The following PROB1 variants were observed in gnomAD, a reference collection of about 807,000 sequenced individuals.
PROB1 encodes the protein proline rich basic protein 1.
For synonymous variants in PROB1, 660 were observed against 699.3 expected (o/e 0.94, Z 0.89); for missense variants, 1,453 against 1,485.7 (o/e 0.98, Z 0.36).
In PROB1 at chr5:139,395,057, C is replaced by A. The variant is rs769683121; in HGVS notation, c.25G>T (p.Ala9Ser). The A allele has an allele frequency of 1.4e-6, 2 of 1,418,278 alleles. No homozygotes were observed. Among genetic ancestry groups the A allele is most frequent in the South Asian group, 1.5e-5 (1 of 65,484 alleles). 87.9% of individuals were successfully genotyped at this position (1,418,278 alleles called of 1,614,324 possible). ...AGCTGCCTCGGGATCCCAGGCAGGG[C>A]TGGCGGGGCGAGCGCGGTCAGCATG... The part of the protein sequence containing the change: MLTALAPP[A>S]LPGIPRQLPT... The change falls in exon 1 of 1, where the codon GCC becomes TCC. Residue 9 changes from alanine to serine, a missense_variant. Coordinates refer to ENST00000434752, the MANE Select transcript of PROB1 (RefSeq NM_001161546.2).
chr5:139,394,105 T>C lies in PROB1; in HGVS notation c.977A>G (p.Asp326Gly), dbSNP rs927249819. 15 of 1,548,192 alleles carry C rather than the reference T, an allele frequency of 9.7e-6. No homozygotes were observed. The highest frequency in any genetic ancestry group is 9.6e-6 in the Non-Finnish European group (11 of 1,145,672). The stretch of plus-strand genomic sequence containing the variant: ...CGGCTCCGTCCCGGGCGCAGGCTTG[T>C]CGCGCCGAATCGCGCGCTCGCGGAG... ...PSLRERAIRR[D>G]KPAPGTEPLG... Residue 326 changes from aspartate (D) to glycine (G), a missense_variant, in exon 1 of 1, where the codon GAC becomes GGC. Asp to Gly is a moderately conservative substitution (Grantham distance 94). Coordinates refer to ENST00000434752, the MANE Select transcript of PROB1 (RefSeq NM_001161546.2).
In PROB1 at chr5:139,393,002, G is replaced by A. The variant is rs770044205; in HGVS notation, c.2080C>T (p.Pro694Ser). 284 of 1,518,890 alleles carry A rather than the reference G, an allele frequency of 1.9e-4. No individual in the cohort carries two copies. Among genetic ancestry groups the A allele is most frequent in the Non-Finnish European group, 2.3e-4 (265 of 1,131,656 alleles). The allele number at this position is 1,518,890 out of a possible 1,614,324, so 94.1% of individuals were successfully genotyped here. A position where few individuals can be genotyped will look rare whatever the true frequency, so the allele number is the denominator to read the frequency against. ...IKDFLPVVPHPYEPPEPSFDT... is the reference protein window; with the variant it reads ...IKDFLPVVPHSYEPPEPSFDT... The stretch of plus-strand genomic sequence containing the variant: ...AAGGACGGTTCAGGAGGCTCGTAGG[G>A]GTGCGGCACCACCGGTAGAAAATCC... Residue 694 changes from proline to serine, a missense_variant, in exon 1 of 1, where the codon CCC becomes TCC. Transcript: ENST00000434752.
Position 139,393,768 on chromosome 5 carries a change from T to G in PROB1, c.1314A>C (p.Glu438Asp), listed in dbSNP as rs980529255. ...TTTCCTCGACGGCAGGATTTTGATT[T>G]TCCCACTCGGAGGAGGCTTCAGGGA... is the stretch of plus-strand genomic sequence containing the variant. ...PLFPEASSEW[E>D]NQNPAVEETV... The change falls in exon 1 of 1, where the codon GAA (glutamate) becomes GAC (aspartate). Residue 438 changes from glutamate to aspartate, a missense_variant. Physicochemically the swap from Glu to Asp is conservative, Grantham distance 45 (BLOSUM62 2). Coordinates refer to ENST00000434752, the MANE Select transcript of PROB1 (RefSeq NM_001161546.2). 8 of 1,551,402 alleles carry G rather than the reference T, an allele frequency of 5.2e-6. No homozygotes were observed. Among genetic ancestry groups the G allele is most frequent in the Non-Finnish European group, 7.0e-6 (8 of 1,146,980 alleles).
Position 139,394,872 on chromosome 5 carries a change from G to A in PROB1, c.210C>T (p.Arg70=), listed in dbSNP as rs1281179376. 1 of 1,521,034 alleles carries A rather than the reference G, an allele frequency of 6.6e-7. No homozygotes were observed. 94.2% of individuals were successfully genotyped at this position (1,521,034 alleles called of 1,614,324 possible). A position where few individuals can be genotyped will look rare whatever the true frequency, so the allele number is the denominator to read the frequency against. Residue 70 remains arginine (R), a synonymous_variant, in exon 1 of 1, where the codon CGC becomes CGT. Transcript: ENST00000434752. ...GGCTATTCTGGGCGCTGACGGACAG[G>A]CGAGGCTGCGCGCCCGCCCCCCGCC... is the stretch of plus-strand genomic sequence containing the variant. ...APGRGAGAQP[R]LSVSAQNSRQ... is the part of the protein sequence containing the mutation.
In PROB1 at chr5:139,393,747, C is replaced by A. The variant is rs1214708667; in HGVS notation, c.1335G>T (p.Glu445Asp). The A allele has an allele frequency of 2.6e-6, 4 of 1,551,286 alleles. No individual in the cohort carries two copies. The highest frequency in any genetic ancestry group is 1.2e-5 in the South Asian group (1 of 84,066). ...AAGGGCTTCTCCTGCTGACAGTTTC[C>A]TCGACGGCAGGATTTTGATTTTCCC... ...SEWENQNPAV[E>D]ETVSRRSPSP... Residue 445 changes from glutamate to aspartate, a missense_variant, in exon 1 of 1, where the codon GAG becomes GAT. Transcript: ENST00000434752.
At position 139,394,372 on chromosome 5, in the gene PROB1, A is replaced by C. The variant is rs866999509; in HGVS notation, c.710T>G (p.Leu237Arg). 6 of 1,412,730 alleles carry C rather than the reference A, an allele frequency of 4.2e-6. No individual in the cohort carries two copies. The Middle Eastern group carries it at 1.3e-3, about 295-fold the overall frequency. 87.5% of individuals were successfully genotyped at this position (1,412,730 alleles called of 1,614,324 possible). The change falls in exon 1 of 1, where the codon CTG (leucine) becomes CGG (arginine). Residue 237 changes from leucine (L) to arginine (R), a missense_variant. By Grantham distance (102) the Leu-to-Arg change is moderately radical (BLOSUM62 -2). Coordinates refer to ENST00000434752, the MANE Select transcript of PROB1 (RefSeq NM_001161546.2). ...CTGCAGGGGGCCCAGCGACTCGTCC[A>C]GGGAACCGGTGCGCAGGAGCAGCCG... ...RPRLLLRTGS[L>R]DESLGPLQAA...
rs1758609550 is a variant in PROB1 at position 139,392,221 on chromosome 5, G to A, written c.2861C>T (p.Pro954Leu). 4 of 1,442,028 alleles carry A rather than the reference G, an allele frequency of 2.8e-6. No individual in the cohort carries two copies. The highest frequency in any genetic ancestry group is 3.7e-6 in the Non-Finnish European group (4 of 1,091,362). 89.3% of individuals were successfully genotyped at this position (1,442,028 alleles called of 1,614,324 possible). ...GCCGAGGGCCTGCGGGCCCGGGGAC[G>A]GTGGCAGAGAGAGGCTGGGTATAGG... is the stretch of plus-strand genomic sequence containing the variant. ...YGPIPSLSLPPSPGPQALGSP... is the reference protein window; with the variant it reads ...YGPIPSLSLPLSPGPQALGSP... Residue 954 changes from proline (P) to leucine (L), a missense_variant, in exon 1 of 1, where the codon CCG becomes CTG. Physicochemically the swap from Pro to Leu is moderately conservative, Grantham distance 98 (BLOSUM62 -3). Transcript: ENST00000434752. This position sits in a 1 kb window ranked among gnomAD's most constrained non-coding sequence, Gnocchi z 5.8.
chr5:139,394,901 G>T lies in PROB1; in HGVS notation c.181C>A (p.Pro61Thr). ...KGPANWPWVA[P>T]GRGAGAQPRL... ...GGCTGCGCGCCCGCCCCCCGCCCAG[G>T]AGCCACCCAGGGCCAATTCGCTGGG... Residue 61 changes from proline (P) to threonine (T), a missense_variant, in exon 1 of 1, where the codon CCT becomes ACT. Pro to Thr is a conservative substitution (Grantham distance 38, BLOSUM62 -1). Transcript: ENST00000434752. 2 of 1,511,700 alleles carry T rather than the reference G, an allele frequency of 1.3e-6. No individual in the cohort carries two copies. The highest frequency in any genetic ancestry group is 2.5e-5 in the South Asian group (2 of 80,162). The allele number at this position is 1,511,700 out of a possible 1,614,324, so 93.6% of individuals were successfully genotyped here. A position where few individuals can be genotyped will look rare whatever the true frequency, so the allele number is the denominator to read the frequency against.
chr5:139,394,037 T>A lies in PROB1; in HGVS notation c.1045A>T (p.Lys349Ter). The change falls in exon 1 of 1, where the codon AAG becomes TAG. Residue 349 changes from lysine to a stop codon, truncating the protein, a stop_gained. Transcript: ENST00000434752. LOFTEE classifies it low-confidence loss of function (END_TRUNC). Reference protein sequence around the residue: ...SSSIFLQSEEKIQEARKTRFP... With the variant: ...SSSIFLQSEE ...CGAGTCTTCCGCGCCTCCTGGATCTTCTCCTCTGACTGAAGGAAGATGCTG... is the reference window on the plus strand; with the variant it reads ...CGAGTCTTCCGCGCCTCCTGGATCTACTCCTCTGACTGAAGGAAGATGCTG... 6.4e-7 allele frequency: 1 copy of A among 1,550,780 alleles called. No homozygotes were observed. The highest frequency in any genetic ancestry group is 8.7e-7 in the Non-Finnish European group (1 of 1,146,990).
At position 139,393,272 on chromosome 5, in the gene PROB1, G is replaced by C. The variant is rs1057130151; in HGVS notation, c.1810C>G (p.Pro604Ala). 2.4e-5 allele frequency: 37 copies of C among 1,549,682 alleles called. No individual in the cohort carries two copies. The African/African-American group carries it at 4.4e-4, about 18-fold the overall frequency. ...GCCTCTCCAGGACCCAAGACTTCCG[G>C]GCACTTATCCGCGTCCAGGGTGCCC... ...PVGTLDADKC[P>A]EVLGPGEAAS... The change falls in exon 1 of 1, where the codon CCG becomes GCG. Residue 604 changes from proline to alanine, a missense_variant. Pro to Ala is a conservative substitution (Grantham distance 27). Coordinates refer to ENST00000434752, the MANE Select transcript of PROB1 (RefSeq NM_001161546.2).
rs1758635246 is a variant in PROB1 at position 139,393,438 on chromosome 5, C to A, written c.1644G>T (p.Pro548=). 2 of 1,551,532 alleles carry A rather than the reference C, an allele frequency of 1.3e-6. No homozygotes were observed. Among genetic ancestry groups the A allele is most frequent in the African/African-American group, 1.4e-5 (1 of 73,048 alleles). Residue 548 remains proline, a synonymous_variant, in exon 1 of 1, where the codon CCG becomes CCT. Transcript: ENST00000434752. The part of the protein sequence containing the change: ...QNGLTQEELA[P]PTPSAPGTPE... ...GAGTGCCGGGTGCGGACGGTGTAGGCGGTGCCAACTCCTCCTGAGTTAACC... is the reference window on the plus strand; with the variant it reads ...GAGTGCCGGGTGCGGACGGTGTAGGAGGTGCCAACTCCTCCTGAGTTAACC...
rs188206715 is a variant in PROB1 at position 139,393,781 on chromosome 5, G to A, written c.1301C>T (p.Ser434Phe). Residue 434 changes from serine (S) to phenylalanine (F), a missense_variant, in exon 1 of 1, where the codon TCC becomes TTC. Transcript: ENST00000434752. ...RVSSPLFPEA[S>F]SEWENQNPAV... ...AGGATTTTGATTTTCCCACTCGGAGGAGGCTTCAGGGAACAATGGGCTACT... is the reference window on the plus strand; with the variant it reads ...AGGATTTTGATTTTCCCACTCGGAGAAGGCTTCAGGGAACAATGGGCTACT... 758 of 1,551,470 alleles carry A rather than the reference G, an allele frequency of 4.9e-4. 6 individuals carry two copies. The highest frequency in any genetic ancestry group is 1.4e-4 in the Non-Finnish European group (156 of 1,146,990).
In PROB1 at chr5:139,392,124, G is replaced by A; in HGVS notation, c.2958C>T (p.Thr986=). 1.4e-6 allele frequency: 2 copies of A among 1,411,216 alleles called. No individual in the cohort carries two copies. The highest frequency in any genetic ancestry group is 1.6e-5 in the South Asian group (1 of 64,026). 87.4% of individuals were successfully genotyped at this position (1,411,216 alleles called of 1,614,324 possible). Residue 986 remains threonine (T), a synonymous_variant, in exon 1 of 1, where the codon ACC becomes ACT. Transcript: ENST00000434752. The surrounding 1 kb of genome is among the most constrained non-coding windows in gnomAD (Gnocchi z 5.8). ...DGTYYLPVSG[T]PNPAPPLLLC... is the part of the protein sequence containing the mutation. ...GGAGCAGAGGAGGTGCGGGGTTGGG[G>A]GTCCCGCTCACCGGCAGGTAGTAGG...
Position 139,394,818 on chromosome 5 carries a change from G to A in PROB1, c.264C>T (p.Phe88=), listed in dbSNP as rs1387399384. 2.0e-6 allele frequency: 3 copies of A among 1,530,102 alleles called. No homozygotes were observed. Among genetic ancestry groups the A allele is most frequent in the African/African-American group, 2.9e-5 (2 of 70,020 alleles). The allele number at this position is 1,530,102 out of a possible 1,614,324, so 94.8% of individuals were successfully genotyped here. A position where few individuals can be genotyped will look rare whatever the true frequency, so the allele number is the denominator to read the frequency against. Residue 88 remains phenylalanine (F), a synonymous_variant, in exon 1 of 1, where the codon TTC becomes TTT. Coordinates refer to ENST00000434752, the MANE Select transcript of PROB1 (RefSeq NM_001161546.2). The part of the protein sequence containing the change: ...SRQRHGPGSG[F]PRGPGSGPRP... ...GTGGGCCGGAACCTGGGCCTCGCGGGAAACCCGAGCCGGGCCCGTGCCGCT... is the reference window on the plus strand; with the variant it reads ...GTGGGCCGGAACCTGGGCCTCGCGGAAAACCCGAGCCGGGCCCGTGCCGCT...
In PROB1 at chr5:139,392,293, T is replaced by C. The variant is rs753961823; in HGVS notation, c.2789A>G (p.Tyr930Cys). ...GCCGAGCCCCAGGGCCAGAGGGGTG[T>C]AGACGCGGTGGGGCGGCCCGGGAGA... is the stretch of plus-strand genomic sequence containing the variant. ...PSSPGPPHRV[Y>C]TPLALGLGLY... Residue 930 changes from tyrosine (Y) to cysteine (C), a missense_variant, in exon 1 of 1, where the codon TAC becomes TGC. Coordinates refer to ENST00000434752, the MANE Select transcript of PROB1 (RefSeq NM_001161546.2). This position sits in a 1 kb window ranked among gnomAD's most constrained non-coding sequence, Gnocchi z 5.8. The C allele has an allele frequency of 5.2e-6, 8 of 1,527,544 alleles. No individual in the cohort carries two copies. Among genetic ancestry groups the C allele is most frequent in the African/African-American group, 2.8e-5 (2 of 71,094 alleles). 94.6% of individuals were successfully genotyped at this position (1,527,544 alleles called of 1,614,324 possible).
At position 139,390,855 on chromosome 5, in the gene PROB1, A is replaced by G. The variant is rs1758593029; in HGVS notation, c.*1179T>C. The G allele has an allele frequency of 6.6e-6, 1 of 152,460 alleles. No individual in the cohort carries two copies. The allele number at this position is 152,460 out of a possible 1,614,324, so 9.4% of individuals were successfully genotyped here. ...ATCCCTGCCACTGCTTCTCATGGAA[A>G]CTGTCCTTCCCAAACTCATCACATC... On this transcript the variant is annotated 3_prime_UTR_variant, in exon 1 of 1. Transcript: ENST00000434752.
Position 139,394,371 on chromosome 5 carries a change from C to T in PROB1, c.711G>A (p.Leu237=). 7.1e-7 allele frequency: 1 copy of T among 1,413,338 alleles called. No individual in the cohort carries two copies. Among genetic ancestry groups the T allele is most frequent in the South Asian group, 1.6e-5 (1 of 64,398 alleles). 87.5% of individuals were successfully genotyped at this position (1,413,338 alleles called of 1,614,324 possible). ...RPRLLLRTGS[L]DESLGPLQAA... is the part of the protein sequence containing the mutation. ...CCTGCAGGGGGCCCAGCGACTCGTC[C>T]AGGGAACCGGTGCGCAGGAGCAGCC... The change falls in exon 1 of 1, where the codon CTG becomes CTA. Residue 237 remains leucine (L), a synonymous_variant. Coordinates refer to ENST00000434752, the MANE Select transcript of PROB1 (RefSeq NM_001161546.2).
In PROB1 at chr5:139,393,102, G is replaced by A. The variant is rs1036866614; in HGVS notation, c.1980C>T (p.Gly660=). The A allele has an allele frequency of 2.0e-6, 3 of 1,522,668 alleles. No individual in the cohort carries two copies. Among genetic ancestry groups the A allele is most frequent in the Non-Finnish European group, 2.6e-6 (3 of 1,132,316 alleles). 94.3% of individuals were successfully genotyped at this position (1,522,668 alleles called of 1,614,324 possible). ...GCGGCTCTTGCGTCTTGGATTCGCC[G>A]CCCTCCTCCCCGCAGGGGTCGGCAG... ...APPADPCGEE[G]GESKTQEPPA... The change falls in exon 1 of 1, where the codon GGC becomes GGT. Residue 660 remains glycine (G), a synonymous_variant. Coordinates refer to ENST00000434752, the MANE Select transcript of PROB1 (RefSeq NM_001161546.2).
rs1758639126 is a variant in PROB1 at position 139,393,658 on chromosome 5, G to A, written c.1424C>T (p.Ala475Val). 1 of 1,550,646 alleles carries A rather than the reference G, an allele frequency of 6.4e-7. No homozygotes were observed. The highest frequency in any genetic ancestry group is 8.7e-7 in the Non-Finnish European group (1 of 1,146,896). Residue 475 changes from alanine to valine, a missense_variant, in exon 1 of 1, where the codon GCC becomes GTC. Physicochemically the swap from Ala to Val is moderately conservative, Grantham distance 64. Coordinates refer to ENST00000434752, the MANE Select transcript of PROB1 (RefSeq NM_001161546.2). Reference sequence around the variant, plus strand: ...ATGTGGAATCTCCCACAGGGAAGGGGCTTCGAGGGACGGGCTCCTTTCCCC... The same window carrying A: ...ATGTGGAATCTCCCACAGGGAAGGGACTTCGAGGGACGGGCTCCTTTCCCC... ...VAGERSPSLE[A>V]PSLWEIPHSA...
Sources: gnomAD v4.1 joint callset for allele counts on GRCh38, gnomAD v4.1.1 for gene constraint, Gnocchi (gnomAD v3.1) non-coding constraint, MANE v1.5 for transcripts, NCBI Gene and HGNC (gene_info 2026-07-23, HGNC 2026-07-21) for gene names.